CDK8: variants seen among roughly 807,000 people sequenced by gnomAD.
The protein encoded by CDK8 is cyclin-dependent kinase 8.
In CDK8, 29 loss-of-function variants were observed where a neutral mutation model predicts 71.5. That is an observed-to-expected ratio of 0.41 (90% CI 0.30 to 0.55). The LOEUF (loss-of-function observed/expected upper bound fraction) is 0.55, where lower values mean the gene tolerates loss of function less well. Among genes scored for constraint, CDK8 ranks in the 20% least tolerant of loss-of-function variants. The pLI is 0.37. For synonymous variants in CDK8, 161 were observed against 192.1 expected, an observed-to-expected ratio of 0.84 and a Z score of 1.34; for missense variants, 288 against 572.6, an observed-to-expected ratio of 0.50 and a Z score of 5.07.
At chr13:26,360,965 A>G (rs1874111773) in intron 4 of CDK8, among the ~76,000 whole-genome samples, 1 of 152,186 alleles carries the variant, frequency 6.6e-6, no homozygotes, top group Admixed American at 6.5e-5. Context: ...TTCAAAGACC[A>G]TTCAACTAAT....
chr13:26,380,263 T>G (rs1390749263), intron 4 of CDK8, among the ~76,000 whole-genome samples: 1 of 152,172 alleles, frequency 6.6e-6, no homozygotes, highest in Non-Finnish European at 1.5e-5. Flanking sequence ...CACTGCAACC[T>G]CCGCCTCCCA....
chr13:26,339,731 T>TTTATTTA (rs1565978439), intron 2 of CDK8, among the ~76,000 whole-genome samples: 17 of 92,174 alleles, frequency 1.8e-4, no homozygotes, highest in East Asian at 6.3e-4. Context: ...TTATTTATTT[T>TTTATTTA]ATTTATATAA....
At chr13:26,333,275 G>A (rs1256340042) in intron 1 of CDK8, among the ~76,000 whole-genome samples, 1 of 151,966 alleles carries the variant, frequency 6.6e-6, no homozygotes, top group East Asian at 1.9e-4. Flanking sequence ...GAGTAGCTGG[G>A]ATTGCAGGTG....
At chr13:26,305,465 C>T (rs546870557) in intron 1 of CDK8, among the ~76,000 whole-genome samples, 1 of 152,302 alleles carries the variant, frequency 6.6e-6, no homozygotes, top group South Asian at 2.1e-4. Flanking sequence ...CATAATGCTT[C>T]TGAATCTGTA....
chr13:26,354,817 A>G (rs748402476), intron 4 of CDK8, among the ~76,000 whole-genome samples: 1 of 152,180 alleles, frequency 6.6e-6, no homozygotes, highest in Non-Finnish European at 1.5e-5. Context: ...CTGGTCTAGC[A>G]TATTATTATT....
intron 1 of CDK8, among the ~76,000 whole-genome samples, chr13:26,298,760 T>C (rs980016904): frequency 2.6e-5 from 4 of 152,130 alleles, no homozygotes; most frequent in African/African-American, 9.7e-5. Flanking sequence ...ATTATGCTGG[T>C]GAGAAAGGAG....
At chr13:26,256,629 C>A (rs1052420171) in intron 1 of CDK8, among the ~76,000 whole-genome samples, 1 of 152,068 alleles carries the variant, frequency 6.6e-6, no homozygotes, top group Non-Finnish European at 1.5e-5. Context: ...TTTTATATCT[C>A]TATGGTCAGG....
chr13:26,335,944 C>CAA (rs1178928327), intron 1 of CDK8, among the ~76,000 whole-genome samples: 12 of 151,870 alleles, frequency 7.9e-5, no homozygotes, highest in African/African-American at 2.9e-4. Flanking sequence ...ACAACAACAA[C>CAA]AACAACAACA....
Position 26,254,538 on chromosome 13 carries a change from A to T in CDK8, c.-104A>T. On this transcript the variant is annotated 5_prime_UTR_variant, in exon 1 of 13. An upstream open reading frame in the 5' UTR loses its in-frame stop. Transcript: ENST00000381527. The surrounding 1 kb of genome is among the most constrained non-coding windows in gnomAD (Gnocchi z 6.7). The stretch of plus-strand genomic sequence containing the variant: ...GGCTGGTGCTGCGGCCGGCGGGCGT[A>T]GAGCGGGCGGGTTCCCGGGGGCTGC... The T allele has an allele frequency of 1.0e-6, 1 of 955,340 alleles. No homozygotes were observed. Among genetic ancestry groups the T allele is most frequent in the Non-Finnish European group, 1.5e-6 (1 of 653,420 alleles). 59.2% of individuals were successfully genotyped at this position (955,340 alleles called of 1,614,324 possible). A position where few individuals can be genotyped will look rare whatever the true frequency, so the allele number is the denominator to read the frequency against.
chr13:26,374,076 C>T (rs1439102827), intron 4 of CDK8, among the ~76,000 whole-genome samples: 1 of 150,880 alleles, frequency 6.6e-6, no homozygotes, highest in Non-Finnish European at 1.5e-5. Context: ...TGGTGGGTGC[C>T]TGTAGTCCCA....
chr13:26,268,275 A>ACG (rs1275010139), intron 1 of CDK8, among the ~76,000 whole-genome samples: 2 of 149,424 alleles, frequency 1.3e-5, no homozygotes, highest in African/African-American at 4.9e-5. Flanking sequence ...ACACACACAC[A>ACG]CACACACACA....
chr13:26,278,927 T>C (rs1872646655), intron 1 of CDK8, among the ~76,000 whole-genome samples: 1 of 152,154 alleles, frequency 6.6e-6, no homozygotes, highest in African/African-American at 2.4e-5. Flanking sequence ...TTGTATTAGG[T>C]ATCATAAGTA....
At chr13:26,291,612 C>T (rs1337062790) in intron 1 of CDK8, among the ~76,000 whole-genome samples, 2 of 152,152 alleles carry the variant, frequency 1.3e-5, no homozygotes, top group Non-Finnish European at 2.9e-5. Flanking sequence ...TTACAAGAAG[C>T]AAGGACTTTC....
At chr13:26,273,803 C>A (rs1203355753) in intron 1 of CDK8, among the ~76,000 whole-genome samples, 1 of 151,812 alleles carries the variant, frequency 6.6e-6, no homozygotes, top group South Asian at 2.1e-4. Context: ...TTTTAAATTA[C>A]AGAATAACTA....
In CDK8 at chr13:26,302,815, A is replaced by G. The variant is rs148037026; in HGVS notation, c.129-34752A>G. ...ACTTAAAATTCTATTGGGGTGTTTT[A>G]TGGGTACTTTAAATTGCATAGTCCT... is the stretch of plus-strand genomic sequence containing the variant. On this transcript the variant is annotated intron_variant, in intron 1 of 12. Coordinates refer to ENST00000381527, the MANE Select transcript of CDK8 (RefSeq NM_001260.3). Among the ~76,000 whole-genome samples the G allele has an allele frequency of 2.7e-3, 408 of 152,274 alleles. 1 individual carries two copies. Among genetic ancestry groups the G allele is most frequent in the African/African-American group, 9.2e-3 (382 of 41,558 alleles).
chr13:26,254,589 A>AGCCCCCCCGCCCCCCCCCC lies in CDK8; in HGVS notation c.-53_-52insGCCCCCCCGCCCCCCCCCC. 1.4e-6 allele frequency: 1 copy of AGCCCCCCCGCCCCCCCCCC among 702,986 alleles called. No individual in the cohort carries two copies. The highest frequency in any genetic ancestry group is 2.2e-6 in the Non-Finnish European group (1 of 455,016). 43.5% of individuals were successfully genotyped at this position (702,986 alleles called of 1,614,324 possible). A position where few individuals can be genotyped will look rare whatever the true frequency, so the allele number is the denominator to read the frequency against. On this transcript the variant is annotated 5_prime_UTR_variant, in exon 1 of 13. Transcript: ENST00000381527. This position sits in a 1 kb window ranked among gnomAD's most constrained non-coding sequence, Gnocchi z 6.7. ...GGCTGCCCGTGCTTCCCCGGTCCCC[A>AGCCCCCCCGCCCCCCCCCC]CCCCTGCCCCCCGGCCCCCCGACCC... is the stretch of plus-strand genomic sequence containing the variant.
At chr13:26,380,859 G>T (rs896779919) in intron 4 of CDK8, among the ~76,000 whole-genome samples, 1 of 152,094 alleles carries the variant, frequency 6.6e-6, no homozygotes, top group African/African-American at 2.4e-5. Flanking sequence ...TACCTCTATC[G>T]CTCTACAGTT....
chr13:26,283,515 G>C (rs1053731987), intron 1 of CDK8, among the ~76,000 whole-genome samples: 3 of 152,160 alleles, frequency 2.0e-5, no homozygotes, highest in African/African-American at 7.2e-5. Context: ...GACTGAGGGA[G>C]GAGAATTGCT....
intron 1 of CDK8, among the ~76,000 whole-genome samples, chr13:26,275,752 AT>A: frequency 6.6e-6 from 1 of 152,260 alleles, no homozygotes; most frequent in African/African-American, 2.4e-5. Flanking sequence ...GGTAGTTTAA[AT>A]TTTTTATTGC....
Sources: allele counts gnomAD v4.1 joint callset (sites outside exome capture counted in the v4.1 genomes callset), GRCh38; gene constraint gnomAD v4.1.1; non-coding constraint Gnocchi (gnomAD v3.1); transcripts MANE v1.5; gene names NCBI Gene and HGNC (gene_info 2026-07-23, HGNC 2026-07-21).